Variants in LINGO2 observed in about 807,000 individuals in gnomAD.
LINGO2 encodes leucine rich repeat and Ig domain containing 2.
LINGO2 carries 14 observed loss-of-function variants against 30.6 expected under a neutral mutation model. The ratio of observed to expected loss-of-function variants is 0.46; its 90% CI spans 0.30 to 0.72. The LOEUF is 0.72. Ranked by LOEUF, LINGO2 falls within the 30% of genes least tolerant of loss-of-function variation. The pLI, the probability that LINGO2 is intolerant of heterozygous loss-of-function variation, is 0.07. For synonymous variants in LINGO2, 317 were observed against 288.5 expected (o/e 1.10, Z -1.00); for missense variants, 729 against 751.7 (o/e 0.97, Z 0.35).
intron 4 of LINGO2, among the ~76,000 whole-genome samples, chr9:28,186,107 C>T (rs1196111363): frequency 6.6e-6 from 1 of 152,130 alleles, no homozygotes; most frequent in African/African-American, 2.4e-5. Flanking sequence ...GTTCCTTGTC[C>T]TGTCATACTA....
At chr9:28,843,344 T>C in the LINGO2 span, among the ~76,000 whole-genome samples, 1 of 151,776 alleles carries the variant, frequency 6.6e-6, no homozygotes, top group Admixed American at 6.6e-5. Flanking sequence ...TGACCTCATA[T>C]ATGTGGGTTT....
At chr9:28,061,523 A>G (rs752925455) in intron 4 of LINGO2, among the ~76,000 whole-genome samples, 4 of 151,994 alleles carry the variant, frequency 2.6e-5, no homozygotes, top group African/African-American at 4.8e-5. Flanking sequence ...TTTAAGCCTT[A>G]CACATGATTG....
intron 4 of LINGO2, among the ~76,000 whole-genome samples, chr9:28,150,810 C>G (rs569553803): frequency 1.3e-5 from 2 of 152,160 alleles, no homozygotes; most frequent in African/African-American, 4.8e-5. Flanking sequence ...ACCATCTCCA[C>G]GAGAACCCAC....
rs114957194 is a variant in LINGO2, at chr9:28,657,823, C to T, written c.-365+12377G>A. ...TTTGTTTGTTCTTCTTTTTCTAGTT[C>T]CTTGAGATGTAAATTTAGATGGTTG... is the stretch of plus-strand genomic sequence containing the variant. On this transcript the variant is annotated intron_variant, in intron 1 of 5. Transcript: ENST00000379992. Among the ~76,000 whole-genome samples, 614 of 151,552 alleles carry T rather than the reference C, an allele frequency of 4.1e-3. 3 individuals carry two copies. The highest frequency in any genetic ancestry group is 0.01 in the Middle Eastern group (3 of 294).
the LINGO2 span, among the ~76,000 whole-genome samples, chr9:29,122,570 C>T: frequency 6.6e-6 from 1 of 151,874 alleles, no homozygotes; most frequent in Non-Finnish European, 1.5e-5. Flanking sequence ...TACTAAGATG[C>T]AATCATGTAA....
chr9:28,639,565 C>T (rs1296801403), intron 1 of LINGO2, among the ~76,000 whole-genome samples: 3 of 152,094 alleles, frequency 2.0e-5, no homozygotes, highest in Non-Finnish European at 4.4e-5. Context: ...ATCCCTTTAC[C>T]ATTATGTAAT....
At chr9:28,533,497 C>T (rs1373869937) in intron 1 of LINGO2, among the ~76,000 whole-genome samples, 2 of 152,122 alleles carry the variant, frequency 1.3e-5, no homozygotes, top group African/African-American at 4.8e-5. Flanking sequence ...ATACAGTCCT[C>T]TTTAGTTTAT....
intron 4 of LINGO2, among the ~76,000 whole-genome samples, chr9:28,068,700 AT>A (rs1825386159): frequency 6.6e-6 from 1 of 152,178 alleles, no homozygotes; most frequent in South Asian, 2.1e-4. Context: ...TAAAGCAGAA[AT>A]TTTTATTTCC....
At chr9:28,488,496 T>C (rs1293356508) in intron 1 of LINGO2, among the ~76,000 whole-genome samples, 1 of 152,178 alleles carries the variant, frequency 6.6e-6, no homozygotes, top group Non-Finnish European at 1.5e-5. Context: ...ACACCAGCTC[T>C]AGAATGAAAC....
At chr9:28,504,297 T>A (rs10968625) in intron 1 of LINGO2, among the ~76,000 whole-genome samples, 35,865 of 151,802 alleles carry the variant, frequency 0.24, 4,748 homozygotes, top group Non-Finnish European at 0.29. Flanking sequence ...TGTGCTAAAT[T>A]TTTTACCCTT....
chr9:28,399,042 G>A (rs1414727832), intron 2 of LINGO2, among the ~76,000 whole-genome samples: 1 of 152,132 alleles, frequency 6.6e-6, no homozygotes, highest in Non-Finnish European at 1.5e-5. Flanking sequence ...CAAGCTTTGG[G>A]GAGTTTGGCA....
the LINGO2 span, among the ~76,000 whole-genome samples, chr9:28,828,828 T>C: frequency 6.6e-6 from 1 of 152,182 alleles, no homozygotes; most frequent in Non-Finnish European, 1.5e-5. Context: ...ACACAAGTTT[T>C]ACTACGAGCC....
chr9:27,949,131 G>T, exon 6 of LINGO2: 1 of 1,614,122 alleles, frequency 6.2e-7, no homozygotes. Flanking sequence ...GTACATAGGG[G>T]TCCTGTTCGC....
intron 4 of LINGO2, among the ~76,000 whole-genome samples, chr9:28,050,052 A>C (rs1002256908): frequency 6.6e-6 from 1 of 150,780 alleles, no homozygotes; most frequent in African/African-American, 2.5e-5. Context: ...TGGTTGGAGA[A>C]ATATTCATCA....
chr9:28,672,104 G>T (rs566368875), upstream of LINGO2, among the ~76,000 whole-genome samples: 1 of 152,162 alleles, frequency 6.6e-6, no homozygotes, highest in Non-Finnish European at 1.5e-5. Context: ...GTTCTGGAAA[G>T]AAATCAGAAG....
chr9:28,637,319 G>C (rs1033455939), intron 1 of LINGO2, among the ~76,000 whole-genome samples: 2 of 151,874 alleles, frequency 1.3e-5, no homozygotes, highest in East Asian at 1.9e-4. Context: ...TTTTTTGGTT[G>C]CATATGAACT....
chr9:28,035,920 G>A lies in LINGO2; in HGVS notation c.-86-23515C>T, dbSNP rs1034871937. Among the ~76,000 whole-genome samples the A allele has an allele frequency of 3.5e-4, 52 of 149,728 alleles. 1 individual carries two copies. Among genetic ancestry groups the A allele is most frequent in the African/African-American group, 1.0e-3 (42 of 40,682 alleles). On this transcript the variant is annotated intron_variant, in intron 4 of 5. Coordinates refer to ENST00000379992, the Ensembl canonical transcript of LINGO2. Reference sequence around the variant, plus strand: ...CACACACACACACACACACACATGCGCTAATATAATACTGACTCATCAGGC... The same window carrying A: ...CACACACACACACACACACACATGCACTAATATAATACTGACTCATCAGGC...
At position 28,149,048 on chromosome 9, in the gene LINGO2, C is replaced by A. The variant is rs1456914999; in HGVS notation, c.-86-136643G>T. On this transcript the variant is annotated intron_variant, in intron 4 of 5. Transcript: ENST00000379992. ...AGACGAGGGGCCCCCACCGGCTAAG[C>A]TTCCATGTCTATCTCCTGAGGCACT... 6.5e-6 allele frequency: 10 copies of A among 1,534,622 alleles called. No individual in the cohort carries two copies. The East Asian group carries it at 2.4e-4, about 38-fold the overall frequency.
At chr9:28,348,501 C>A (rs1819690813) in intron 3 of LINGO2, among the ~76,000 whole-genome samples, 1 of 152,140 alleles carries the variant, frequency 6.6e-6, no homozygotes, top group African/African-American at 2.4e-5. Flanking sequence ...GGGTCCAATG[C>A]CCACAGAGTC....
Sources: allele counts gnomAD v4.1 joint callset (sites outside exome capture counted in the v4.1 genomes callset), GRCh38; gene constraint gnomAD v4.1.1; transcripts MANE v1.5; gene names NCBI Gene and HGNC (gene_info 2026-07-23, HGNC 2026-07-21).